The following PCDHGB4 variants were observed in gnomAD, a reference collection of about 807,000 sequenced individuals.
The protein encoded by PCDHGB4 is protocadherin gamma-B4.
PCDHGB4 carries 38 observed loss-of-function variants against 60.5 expected under a neutral mutation model. The ratio of observed to expected loss-of-function variants is 0.63; its 90% CI spans 0.48 to 0.82. PCDHGB4 has a LOEUF of 0.82. Among genes scored for constraint, PCDHGB4 ranks in the 40% least tolerant of loss-of-function variants. The pLI is 0.00. For synonymous variants in PCDHGB4, 456 were observed against 509.7 expected (o/e 0.89, Z 1.42); for missense variants, 1,109 against 1,209.6 (o/e 0.92, Z 1.23).
At chr5:141,418,349 A>G in intron 1 of PCDHGB4, 1 of 1,614,016 alleles carries the variant, frequency 6.2e-7, no homozygotes, top group South Asian at 1.1e-5. Context: ...TGATATTAGT[A>G]TGAATTCGCT....
chr5:141,419,285 G>A, intron 1 of PCDHGB4: 2 of 1,614,028 alleles, frequency 1.2e-6, no homozygotes, highest in East Asian at 4.5e-5. Context: ...GCAAGTCAGT[G>A]CCTCTGACCC....
At chr5:141,409,325 G>A (rs2095255437) in intron 1 of PCDHGB4, 1 of 1,613,984 alleles carries the variant, frequency 6.2e-7, no homozygotes, top group Non-Finnish European at 8.5e-7. Context: ...ACGGGATCTG[G>A]ATTTCGGAGG....
chr5:141,388,657 G>C lies in PCDHGB4; in HGVS notation c.773G>C (p.Gly258Ala), dbSNP rs769160604. Residue 258 changes from glycine to alanine, a missense_variant, in exon 1 of 4, where the codon GGG becomes GCG. Physicochemically the swap from Gly to Ala is moderately conservative, Grantham distance 60 (BLOSUM62 0). Transcript: ENST00000519479. ...AGCCTTTCAGAAAACGTGTACCCGG[G>C]GACCACGGTGCTACAGGTGACTGCC... ...RVSLSENVYP[G>A]TTVLQVTATD... 1.2e-6 allele frequency: 2 copies of C among 1,613,878 alleles called. No individual in the cohort carries two copies. The highest frequency in any genetic ancestry group is 1.3e-5 in the African/African-American group (1 of 75,006).
Position 141,511,165 on chromosome 5 carries a change from A to G in PCDHGB4, c.2764A>G (p.Lys922Glu). 1 of 1,614,096 alleles carries G rather than the reference A, an allele frequency of 6.2e-7. No homozygotes were observed. Among genetic ancestry groups the G allele is most frequent in the East Asian group, 2.2e-5 (1 of 44,870 alleles). ...CAAGAAGAAGTCGGGCAAGAAGGAGAAGAAGTAACATGGAGGCCAGGCCAA... is the reference window on the plus strand; with the variant it reads ...CAAGAAGAAGTCGGGCAAGAAGGAGGAGAAGTAACATGGAGGCCAGGCCAA... ...GNKKKSGKKE[K>E]K Residue 922 changes from lysine (K) to glutamate (E), a missense_variant, in exon 4 of 4, where the codon AAG (lysine) becomes GAG (glutamate). Physicochemically the swap from Lys to Glu is moderately conservative, Grantham distance 56. Transcript: ENST00000519479.
chr5:141,455,856 TTTTATTA>T (rs1315325745), intron 1 of PCDHGB4, among the ~76,000 whole-genome samples: 1 of 146,240 alleles, frequency 6.8e-6, no homozygotes, highest in East Asian at 2.0e-4. Flanking sequence ...AAATAATTTC[TTTTATTA>T]TTTATTTATT....
chr5:141,410,746 C>A (rs1489353130), intron 1 of PCDHGB4: 28 of 1,269,804 alleles, frequency 2.2e-5, no homozygotes, highest in Non-Finnish European at 2.7e-5. Flanking sequence ...ACAATATTTT[C>A]TCAATGTTTT....
Position 141,432,267 on chromosome 5 carries a change from C to T in PCDHGB4, c.2397+41986C>T, listed in dbSNP as rs746089276. 4.3e-6 allele frequency: 7 copies of T among 1,614,244 alleles called. No homozygotes were observed. On this transcript the variant is annotated intron_variant, in intron 1 of 3. Transcript: ENST00000519479. The surrounding 1 kb of genome is among the most constrained non-coding windows in gnomAD (Gnocchi z 6.0). ...ACCATCCAAGGGGCAAGCCTATCGT[C>T]CTACGTGTCCATCAACTCCGACACT...
intron 1 of PCDHGB4, among the ~76,000 whole-genome samples, chr5:141,455,803 A>C (rs1197986124): frequency 2.6e-5 from 4 of 152,068 alleles, no homozygotes; most frequent in Non-Finnish European, 4.4e-5. Flanking sequence ...TGCTTTAAAA[A>C]ATGAAAACTT....
intron 2 of PCDHGB4, among the ~76,000 whole-genome samples, chr5:141,502,908 C>G (rs1398336138): frequency 1.5e-5 from 2 of 132,418 alleles, no homozygotes; most frequent in Non-Finnish European, 3.0e-5. Flanking sequence ...TGTTGCCAGG[C>G]TGGAGTGCAG....
At chr5:141,508,806 C>T (rs1243735850) in intron 3 of PCDHGB4, among the ~76,000 whole-genome samples, 1 of 152,066 alleles carries the variant, frequency 6.6e-6, no homozygotes, top group African/African-American at 2.4e-5. Flanking sequence ...AATCCTGGCT[C>T]TTTGAAGCCA....
At chr5:141,472,980 CAAA>C (rs60579131) in intron 1 of PCDHGB4, among the ~76,000 whole-genome samples, 10 of 86,092 alleles carry the variant, frequency 1.2e-4, no homozygotes, top group Non-Finnish European at 1.2e-4. Context: ...GAGTGAAACT[CAAA>C]AAAAAAAAAA....
chr5:141,436,384 C>A lies in PCDHGB4; in HGVS notation c.2397+46103C>A, dbSNP rs1048094484. 2.6e-5 allele frequency among the ~76,000 whole-genome samples: 4 copies of A among 152,222 alleles called. 1 individual carries two copies. Among genetic ancestry groups the A allele is most frequent in the Non-Finnish European group, 4.4e-5 (3 of 67,978 alleles). On this transcript the variant is annotated intron_variant, in intron 1 of 3. Coordinates refer to ENST00000519479, the MANE Select transcript of PCDHGB4 (RefSeq NM_003736.4). The stretch of plus-strand genomic sequence containing the variant: ...ATGTTTCCAGTTTAAGCTGAATAGG[C>A]TTTATTAAATAGTTGTTGAATGAAT...
intron 1 of PCDHGB4, chr5:141,414,187 T>A: frequency 6.2e-7 from 1 of 1,609,834 alleles, no homozygotes; most frequent in South Asian, 1.1e-5. Flanking sequence ...TGCAAAAGTG[T>A]TGATTACAGT....
intron 1 of PCDHGB4, 124 bp from the exon 2 acceptor site, chr5:141,494,683 C>G: frequency 6.4e-7 from 1 of 1,569,074 alleles, no homozygotes; most frequent in Non-Finnish European, 8.7e-7. Context: ...CCCCTGCCCC[C>G]TCTTAGTCCG....
intron 1 of PCDHGB4, chr5:141,421,577 T>C (rs1385519860): frequency 1.4e-5 from 22 of 1,613,748 alleles, no homozygotes; most frequent in Non-Finnish European, 1.5e-5. Context: ...ACCTTGAAGA[T>C]TTACGGAGTG....
intron 1 of PCDHGB4, chr5:141,416,902 C>T (rs1364019748): frequency 1.3e-5 from 2 of 152,020 alleles, no homozygotes; most frequent in Non-Finnish European, 2.9e-5. Flanking sequence ...GGAAGGAAAG[C>T]ACACTCTTTA....
chr5:141,395,034 G>C, intron 1 of PCDHGB4: 1 of 1,614,150 alleles, frequency 6.2e-7, no homozygotes, highest in South Asian at 1.1e-5. Flanking sequence ...CTCACATTTT[G>C]TGGGTGTTGA....
chr5:141,414,778 C>T (rs1346896593), intron 1 of PCDHGB4: 12 of 1,614,202 alleles, frequency 7.4e-6, no homozygotes, highest in Non-Finnish European at 1.0e-5. Context: ...GCTACAGATG[C>T]AGGTGACAGC....
intron 1 of PCDHGB4, among the ~76,000 whole-genome samples, chr5:141,455,095 A>G (rs910300076): frequency 2.6e-5 from 4 of 151,836 alleles, no homozygotes; most frequent in African/African-American, 9.7e-5. Flanking sequence ...TACAGGCTTG[A>G]GCCACTGCGC....
Sources: allele counts gnomAD v4.1 joint callset (sites outside exome capture counted in the v4.1 genomes callset), GRCh38; gene constraint gnomAD v4.1.1; non-coding constraint Gnocchi (gnomAD v3.1); transcripts MANE v1.5; gene names NCBI Gene and HGNC (gene_info 2026-07-23, HGNC 2026-07-21).